Variants in XCR1 observed in about 807,000 individuals in gnomAD.
XCR1 encodes chemokine XC receptor 1.
For synonymous variants in XCR1, 187 were observed against 188.5 expected (o/e 0.99, Z 0.06); for missense variants, 356 against 424.2 (o/e 0.84, Z 1.41).
chr3:46,072,276 T>C (rs1388139957), intron 3 of XCR1, among the ~76,000 whole-genome samples: 1 of 152,186 alleles, frequency 6.6e-6, no homozygotes, highest in Non-Finnish European at 1.5e-5. Context: ...CCCAGCATCT[T>C]GGGAGGCTGA....
At chr3:46,067,743 G>A (rs539515436) in intron 3 of XCR1, among the ~76,000 whole-genome samples, 341 of 152,260 alleles carry the variant, frequency 2.2e-3, no homozygotes, top group Non-Finnish European at 3.5e-3. Flanking sequence ...AAAACCTCCT[G>A]GAAGAAGTGG....
rs549627271 is a variant in XCR1 at position 46,082,918 on chromosome 3, C to CA, written c.-515+2875dup. On this transcript the variant is annotated intron_variant, in intron 1 of 5. Coordinates refer to the XCR1 transcript ENST00000683768. The stretch of plus-strand genomic sequence containing the variant: ...AGATGCTGGGTTTGCTACCCTAAAC[C>CA]AAAAACTACTTTTGACCACAATGAC... Among the ~76,000 whole-genome samples the CA allele has an allele frequency of 9.2e-5, 14 of 152,272 alleles. No individual in the cohort carries two copies. The East Asian group carries it at 2.7e-3, about 29-fold the overall frequency.
chr3:46,049,676 T>A (rs558229069), intron 5 of XCR1, among the ~76,000 whole-genome samples: 60 of 152,202 alleles, frequency 3.9e-4, no homozygotes, highest in Non-Finnish European at 8.4e-4. Flanking sequence ...GAGGTCATTA[T>A]TGTTTGAGTA....
chr3:46,078,262 C>T (rs1698296363), intron 1 of XCR1, among the ~76,000 whole-genome samples: 1 of 151,946 alleles, frequency 6.6e-6, no homozygotes, highest in South Asian at 2.1e-4. Flanking sequence ...ATTTTTGGTG[C>T]CATGAGAAGG....
chr3:46,052,082 A>T (rs1259737545), intron 5 of XCR1, among the ~76,000 whole-genome samples: 1 of 152,030 alleles, frequency 6.6e-6, no homozygotes, highest in Non-Finnish European at 1.5e-5. Flanking sequence ...AGAGTCAACA[A>T]CTCCTGGGAC....
intron 5 of XCR1, among the ~76,000 whole-genome samples, chr3:46,049,903 A>G (rs1374647460): frequency 6.6e-6 from 1 of 152,218 alleles, no homozygotes; most frequent in Non-Finnish European, 1.5e-5. Flanking sequence ...ACATTTCCCA[A>G]GCTGTGGCTT....
At chr3:46,084,508 C>T (rs939818765) in intron 1 of XCR1, among the ~76,000 whole-genome samples, 11 of 152,176 alleles carry the variant, frequency 7.2e-5, no homozygotes, top group Admixed American at 2.6e-4. Flanking sequence ...ATGCACTGGA[C>T]GCCATAACTC....
At position 46,019,346 on chromosome 3, in the gene XCR1, G is replaced by T. The variant is rs1182334650; in HGVS notation, c.*1600C>A. The T allele has an allele frequency of 1.3e-5, 2 of 152,208 alleles. No homozygotes were observed. Among genetic ancestry groups the T allele is most frequent in the Admixed American group, 1.3e-4 (2 of 15,280 alleles). The allele number at this position is 152,208 out of a possible 1,614,324, so 9.4% of individuals were successfully genotyped here. A position where few individuals can be genotyped will look rare whatever the true frequency, so the allele number is the denominator to read the frequency against. On this transcript the variant is annotated 3_prime_UTR_variant, in exon 2 of 2. Coordinates refer to ENST00000309285, the MANE Select transcript of XCR1 (RefSeq NM_001024644.2). Reference sequence around the variant, plus strand: ...TGCTCCCACTGAGCACACAGTGATAGAACACTGGGGTTCAAGACCAGGTTC... The same window carrying T: ...TGCTCCCACTGAGCACACAGTGATATAACACTGGGGTTCAAGACCAGGTTC...
chr3:46,020,608 A>C lies in XCR1; in HGVS notation c.*338T>G, dbSNP rs1009014725. The stretch of plus-strand genomic sequence containing the variant: ...TTAGGCCCTGTAAAGTCTCCAAGGA[A>C]GCACCTTTCCCAGAATCCTTTCATG... On this transcript the variant is annotated 3_prime_UTR_variant, in exon 2 of 2. Coordinates refer to ENST00000309285, the MANE Select transcript of XCR1 (RefSeq NM_001024644.2). 9.9e-6 allele frequency: 3 copies of C among 304,048 alleles called. No individual in the cohort carries two copies. The highest frequency in any genetic ancestry group is 4.3e-5 in the African/African-American group (2 of 46,388). The allele number at this position is 304,048 out of a possible 1,614,324, so 18.8% of individuals were successfully genotyped here. A position where few individuals can be genotyped will look rare whatever the true frequency, so the allele number is the denominator to read the frequency against.
intron 1 of XCR1, among the ~76,000 whole-genome samples, chr3:46,081,281 T>C (rs1698358008): frequency 6.6e-6 from 1 of 152,198 alleles, no homozygotes; most frequent in South Asian, 2.1e-4. Context: ...ATTGAAGTTT[T>C]TAACCTCTCC....
rs1369637347 is a variant in XCR1, at chr3:46,073,755, A to G, written c.-263+896T>C. Among the ~76,000 whole-genome samples the G allele has an allele frequency of 2.6e-5, 4 of 152,152 alleles. No individual in the cohort carries two copies. In the South Asian group the frequency reaches 6.2e-4, roughly 24 times the overall value. ...AACAAAATACAAATAACCCCATTAAAAAGTGGGCAAAGGACATGAATAGAC... is the reference window on the plus strand; with the variant it reads ...AACAAAATACAAATAACCCCATTAAGAAGTGGGCAAAGGACATGAATAGAC... On this transcript the variant is annotated intron_variant, in intron 3 of 5. Transcript: ENST00000683768.
chr3:46,079,127 T>C (rs1340909923), intron 1 of XCR1, among the ~76,000 whole-genome samples: 2 of 152,178 alleles, frequency 1.3e-5, no homozygotes, highest in Non-Finnish European at 2.9e-5. Flanking sequence ...AGTTCCTAAG[T>C]TACGGGAAAT....
intron 5 of XCR1, among the ~76,000 whole-genome samples, chr3:46,033,107 T>A (rs1379793774): frequency 6.6e-6 from 1 of 151,500 alleles, no homozygotes; most frequent in African/African-American, 2.4e-5. Flanking sequence ...TTTTTTTTTG[T>A]AGCGCAAAAG....
At chr3:46,045,417 AC>A (rs1269485763) in intron 5 of XCR1, among the ~76,000 whole-genome samples, 1 of 152,070 alleles carries the variant, frequency 6.6e-6, no homozygotes, top group Admixed American at 6.6e-5. Flanking sequence ...ATTAAATACC[AC>A]CACCAACTGG....
In XCR1 at chr3:46,065,399, C is replaced by T. The variant is rs568583072; in HGVS notation, c.-183+1500G>A. Among the ~76,000 whole-genome samples, 6 of 152,288 alleles carry T rather than the reference C, an allele frequency of 3.9e-5. 1 individual carries two copies. The South Asian group carries it at 1.2e-3, about 32-fold the overall frequency. ...CTTTGATGTGGCTTTAAGAGAGGTG[C>T]CTGAGCTTCCATTTGCCACACTCTG... On this transcript the variant is annotated intron_variant, in intron 4 of 5. Transcript: ENST00000683768.
chr3:46,035,592 TCA>T (rs111834637), intron 5 of XCR1, among the ~76,000 whole-genome samples: 2,875 of 152,294 alleles, frequency 0.019, 78 homozygotes, highest in African/African-American at 0.059. Flanking sequence ...GAGATAAGTT[TCA>T]GTCTGTCTCT....
intron 5 of XCR1, among the ~76,000 whole-genome samples, chr3:46,045,262 T>C (rs1181631407): frequency 6.6e-6 from 1 of 150,742 alleles, no homozygotes; most frequent in Non-Finnish European, 1.5e-5. Context: ...CTACCAAAAA[T>C]ACAAAAAAAA....
At chr3:46,033,863 G>T (rs1208674054) in intron 5 of XCR1, among the ~76,000 whole-genome samples, 1 of 152,088 alleles carries the variant, frequency 6.6e-6, no homozygotes, top group Admixed American at 6.5e-5. Context: ...GTTTTCCTTA[G>T]ATAAATTCTG....
chr3:46,080,275 G>C (rs888999117), intron 1 of XCR1, among the ~76,000 whole-genome samples: 26 of 152,068 alleles, frequency 1.7e-4, no homozygotes, highest in African/African-American at 5.8e-4. Context: ...AAAAATTCCT[G>C]GTCATGCCAA....
Sources: allele counts gnomAD v4.1 joint callset (sites outside exome capture counted in the v4.1 genomes callset), GRCh38; gene constraint gnomAD v4.1.1; transcripts MANE v1.5; gene names NCBI Gene and HGNC (gene_info 2026-07-23, HGNC 2026-07-21).